APBB2: variants seen among roughly 807,000 people sequenced by gnomAD.
The protein encoded by APBB2 is Fe65-like 1.
A neutral mutation model predicts 82.5 loss-of-function variants in APBB2; 38 were observed. The ratio of observed to expected loss-of-function variants is 0.46; its 90% CI spans 0.36 to 0.60. The LOEUF (loss-of-function observed/expected upper bound fraction) is 0.60, where lower values mean the gene tolerates loss of function less well. Among genes scored for constraint, APBB2 ranks in the 20% least tolerant of loss-of-function variants. The pLI is 0.00. For missense variants in APBB2, 772 were observed against 972.3 expected (o/e 0.79, Z 2.74); for synonymous variants, 341 against 368.2 (o/e 0.93, Z 0.85).
intron 12 of APBB2, among the ~76,000 whole-genome samples, chr4:40,846,811 C>G (rs1182849814): frequency 6.6e-6 from 1 of 152,022 alleles, no homozygotes; most frequent in Non-Finnish European, 1.5e-5. Flanking sequence ...AGCCTGCTTA[C>G]TAATGAGGAG....
intron 4 of APBB2, among the ~76,000 whole-genome samples, chr4:41,036,452 A>G (rs1316621729): frequency 6.6e-6 from 1 of 152,076 alleles, no homozygotes; most frequent in Non-Finnish European, 1.5e-5. Context: ...TATCTGACCC[A>G]TATTTACTCC....
Position 40,818,856 on chromosome 4 carries a change from T to C in APBB2, c.2113-2597A>G, listed in dbSNP as rs563866450. Among the ~76,000 whole-genome samples the C allele has an allele frequency of 2.6e-5, 4 of 152,314 alleles. No individual in the cohort carries two copies. The East Asian group carries it at 7.7e-4, about 29-fold the overall frequency. ...AATGCCTCTTTTCTACGCCCCACCTTTGCAATCTGCTCTCCCACCTCATCC... is the reference window on the plus strand; with the variant it reads ...AATGCCTCTTTTCTACGCCCCACCTCTGCAATCTGCTCTCCCACCTCATCC... On this transcript the variant is annotated intron_variant, in intron 17 of 17. Coordinates refer to ENST00000508593, the MANE Select transcript of APBB2 (RefSeq NM_004307.2).
At chr4:40,992,361 TG>T (rs3058175) in intron 6 of APBB2, among the ~76,000 whole-genome samples, 11 of 139,402 alleles carry the variant, frequency 7.9e-5, no homozygotes, top group African/African-American at 2.6e-4. Flanking sequence ...TTGGTAGAGA[TG>T]GGGGGGGGTC....
intron 3 of APBB2, among the ~76,000 whole-genome samples, chr4:41,080,351 A>T (rs1354992568): frequency 2.0e-5 from 3 of 152,188 alleles, no homozygotes; most frequent in Non-Finnish European, 4.4e-5. Flanking sequence ...TGCACTGTTG[A>T]TGTGACCAAA....
intron 6 of APBB2, among the ~76,000 whole-genome samples, chr4:40,949,194 G>A (rs986619479): frequency 5.9e-5 from 9 of 152,032 alleles, no homozygotes; most frequent in African/African-American, 1.2e-4. Flanking sequence ...GCTTGAACCC[G>A]GGAGGTGGAG....
At chr4:41,039,583 T>G (rs932750688) in intron 4 of APBB2, among the ~76,000 whole-genome samples, 3 of 152,180 alleles carry the variant, frequency 2.0e-5, no homozygotes, top group African/African-American at 4.8e-5. Flanking sequence ...TAAGGCCAGA[T>G]GCAGTGGTCC....
In APBB2 at chr4:41,166,662, G is replaced by A. The variant is rs1766729311; in HGVS notation, c.-416-23520C>T. ...TGTAATCCCAACACTTTGGGAGGCCGAGGCAGGCGGATCATTTAAGGTCAA... is the reference window on the plus strand; with the variant it reads ...TGTAATCCCAACACTTTGGGAGGCCAAGGCAGGCGGATCATTTAAGGTCAA... On this transcript the variant is annotated intron_variant, in intron 1 of 17. Coordinates refer to ENST00000508593, the MANE Select transcript of APBB2 (RefSeq NM_004307.2). Among the ~76,000 whole-genome samples the A allele has an allele frequency of 2.6e-5, 4 of 152,002 alleles. No homozygotes were observed. In the South Asian group the frequency reaches 8.3e-4, roughly 32 times the overall value.
intron 5 of APBB2, among the ~76,000 whole-genome samples, chr4:41,032,126 T>C (rs565122090): frequency 3.3e-5 from 5 of 152,346 alleles, no homozygotes; most frequent in African/African-American, 1.2e-4. Flanking sequence ...AAAAATGTCA[T>C]ATAAAGGAGA....
rs560925577 is a variant in APBB2 at position 40,947,353 on chromosome 4, AATTTACAC to A, written c.836-2288_836-2281del. ...GTGGTTTATGAGGACTGGAGGCCTG[AATTTACAC>A]ATTTAGCCTAGTTGTCTTTACCACT... On this transcript the variant is annotated intron_variant, in intron 6 of 17. Transcript: ENST00000508593. Among the ~76,000 whole-genome samples the A allele has an allele frequency of 9.8e-5, 15 of 152,340 alleles. No individual in the cohort carries two copies. In the East Asian group the frequency reaches 2.9e-3, roughly 29 times the overall value.
chr4:41,200,199 A>T (rs73232116), intron 1 of APBB2, among the ~76,000 whole-genome samples: 17,634 of 152,250 alleles, frequency 0.12, 1,274 homozygotes, highest in South Asian at 0.19. Flanking sequence ...TGCACTATAG[A>T]GCAAAGCTGG....
At chr4:40,927,469 T>A (rs976940303) in intron 10 of APBB2, among the ~76,000 whole-genome samples, 2 of 152,098 alleles carry the variant, frequency 1.3e-5, no homozygotes, top group African/African-American at 4.8e-5. Context: ...AAATTCTGAT[T>A]CCAGATGAAA....
intron 10 of APBB2, among the ~76,000 whole-genome samples, chr4:40,915,962 G>A (rs1231540645): frequency 6.6e-6 from 1 of 152,312 alleles, no homozygotes; most frequent in East Asian, 1.9e-4. Flanking sequence ...TGGGCCCTGT[G>A]TGAGTGAAGT....
chr4:41,021,624 T>C (rs1711556308), intron 5 of APBB2, among the ~76,000 whole-genome samples: 1 of 152,156 alleles, frequency 6.6e-6, no homozygotes, highest in Admixed American at 6.5e-5. Flanking sequence ...CTCTGTAAAA[T>C]GGTCCGTTCA....
intron 4 of APBB2, among the ~76,000 whole-genome samples, chr4:41,042,757 C>T (rs1270343999): frequency 1.0e-5 from 1 of 97,940 alleles, no homozygotes; most frequent in African/African-American, 3.0e-5. Context: ...GTCTACTACC[C>T]CTGCAGCTGA....
chr4:41,185,245 G>A (rs1013734562), intron 1 of APBB2, among the ~76,000 whole-genome samples: 1 of 152,148 alleles, frequency 6.6e-6, no homozygotes, highest in Admixed American at 6.5e-5. Flanking sequence ...AAAGCAAAAG[G>A]AATACACAGC....
At chr4:40,942,680 G>C (rs1040979328) in intron 7 of APBB2, among the ~76,000 whole-genome samples, 2 of 152,152 alleles carry the variant, frequency 1.3e-5, no homozygotes, top group Non-Finnish European at 2.9e-5. Context: ...GGCAGGAGGT[G>C]CCAAGGGTGT....
intron 10 of APBB2, among the ~76,000 whole-genome samples, chr4:40,920,164 G>A (rs147250964): frequency 2.1e-3 from 326 of 152,112 alleles, no homozygotes; most frequent in African/African-American, 7.1e-3. Context: ...TCATGGGGGC[G>A]GATCTTTCCC....
intron 2 of APBB2, among the ~76,000 whole-genome samples, chr4:41,133,099 C>T (rs573735900): frequency 1.3e-5 from 2 of 152,058 alleles, no homozygotes; most frequent in Admixed American, 1.3e-4. Context: ...ATGGTAATCA[C>T]ATTGATTCCA....
At chr4:40,817,917 C>T (rs1054252268) in intron 17 of APBB2, among the ~76,000 whole-genome samples, 4 of 152,106 alleles carry the variant, frequency 2.6e-5, no homozygotes, top group South Asian at 2.1e-4. Flanking sequence ...ATCGAAAGCA[C>T]GGATTTATAC....
Sources: gnomAD v4.1 joint callset for allele counts (sites outside exome capture counted in the v4.1 genomes callset) on GRCh38, gnomAD v4.1.1 for gene constraint, MANE v1.5 for transcripts, NCBI Gene and HGNC (gene_info 2026-07-23, HGNC 2026-07-21) for gene names.